The following PARP10 variants were observed in gnomAD, a reference collection of about 807,000 sequenced individuals.
The protein encoded by PARP10 is protein mono-ADP-ribosyltransferase PARP10.
In PARP10, 56 loss-of-function variants were observed where a neutral mutation model predicts 82.4. That is an observed-to-expected ratio of 0.68 (90% CI 0.55 to 0.85). PARP10 has a LOEUF of 0.85. Ranked by LOEUF, PARP10 falls within the 40% of genes least tolerant of loss-of-function variation. The pLI is 0.00. For missense variants in PARP10, 1,227 were observed against 1,379.4 expected, an observed-to-expected ratio of 0.89 and a Z score of 1.75; for synonymous variants, 576 against 601.1, an observed-to-expected ratio of 0.96 and a Z score of 0.61.
At chr8:144,002,507 T>C (rs901908532) in intron 1 of PARP10, among the ~76,000 whole-genome samples, 4 of 152,128 alleles carry the variant, frequency 2.6e-5, no homozygotes, top group African/African-American at 7.2e-5. Context: ...GGATGGGGAC[T>C]AGCCCTGATA....
intron 1 of PARP10, chr8:144,012,524 A>T: frequency 6.4e-7 from 1 of 1,551,634 alleles, no homozygotes; most frequent in African/African-American, 1.4e-5. Flanking sequence ...GCATGTCTCT[A>T]CTCACCAATT....
upstream of PARP10, chr8:143,992,891 C>T (rs1241274561): frequency 1.9e-6 from 3 of 1,569,094 alleles, no homozygotes; most frequent in Non-Finnish European, 2.6e-6. Flanking sequence ...TGGCCTGGAC[C>T]CTGCCCCTGG....
chr8:143,984,519 T>C (rs1273737504), intron 5 of PARP10, 25 bp downstream of exon 5: 3 of 1,593,410 alleles, frequency 1.9e-6, no homozygotes, highest in Non-Finnish European at 2.6e-6. Context: ...GGGCTGAAGG[T>C]GAGGAGTCCT....
chr8:143,992,147 C>T (rs1554750629), upstream of PARP10: 2 of 1,602,106 alleles, frequency 1.2e-6, no homozygotes, highest in African/African-American at 1.3e-5. Flanking sequence ...CTCTTCCGGG[C>T]CTGGTCACCG....
chr8:143,985,644 G>A lies in PARP10; in HGVS notation c.441C>T (p.Val147=), dbSNP rs781831947. 2 of 1,613,050 alleles carry A rather than the reference G, an allele frequency of 1.2e-6. No individual in the cohort carries two copies. The highest frequency in any genetic ancestry group is 1.7e-6 in the Non-Finnish European group (2 of 1,179,770). The stretch of plus-strand genomic sequence containing the variant: ...TCTGGGCCTGCTCCTCCAGGACACG[G>A]ACATCTGTGGGGTATGTGCAGGTCA... ...QLPKPLSEAD[V]RVLEEQAQNL... is the part of the protein sequence containing the mutation. Residue 147 remains valine (V), a synonymous_variant, in exon 4 of 11, where the codon GTC becomes GTT. Transcript: ENST00000313028.
chr8:143,997,571 G>A (rs536187547), intron 1 of PARP10, among the ~76,000 whole-genome samples: 1 of 137,330 alleles, frequency 7.3e-6, no homozygotes, highest in East Asian at 2.0e-4. Context: ...CACCACAAAG[G>A]GATCTTTTTG....
chr8:143,986,549 G>T, upstream of PARP10: 2 of 828,590 alleles, frequency 2.4e-6, no homozygotes, highest in South Asian at 1.6e-5. Flanking sequence ...CTCTCCTGCT[G>T]CAGCCTCAAC....
upstream of PARP10, chr8:143,991,789 G>A (rs782196244): frequency 1.2e-6 from 2 of 1,613,260 alleles, no homozygotes; most frequent in South Asian, 2.2e-5. Flanking sequence ...GCATCCGACA[G>A]GCCTTCATCC....
upstream of PARP10, chr8:143,992,475 A>C: frequency 6.2e-7 from 1 of 1,613,876 alleles, no homozygotes; most frequent in Non-Finnish European, 8.5e-7. Context: ...ACCCGCTACG[A>C]CTTCACCTCA....
intron 1 of PARP10, among the ~76,000 whole-genome samples, chr8:144,009,139 C>T (rs1408963132): frequency 1.3e-5 from 2 of 152,164 alleles, no homozygotes; most frequent in Non-Finnish European, 2.9e-5. Flanking sequence ...CGGCACTTCT[C>T]CGTACATCCA....
intron 1 of PARP10, among the ~76,000 whole-genome samples, chr8:144,000,035 A>G (rs1834190239): frequency 6.6e-6 from 1 of 152,124 alleles, no homozygotes. Flanking sequence ...AACCGGTAAG[A>G]CATCGACCCA....
upstream of PARP10, chr8:143,991,828 G>T (rs115289032): frequency 4.4e-6 from 7 of 1,607,740 alleles, no homozygotes; most frequent in Non-Finnish European, 6.0e-6. Flanking sequence ...TCTCCAAGGC[G>T]GTGGGGGCTG....
rs782696401 is a variant in PARP10 at position 143,983,803 on chromosome 8, G to A, written c.1786C>T (p.Arg596Ter). ...CCCTCCAGGGTGGCCAGCAGTTCTC[G>A]GACCTCCTCTGGGGGCAGGGAGAGG... ...DQEDVSLEEV[R>*]ELLATLEGLD... The change falls in exon 8 of 11, where the codon CGA becomes TGA. Residue 596 changes from arginine to a stop codon, truncating the protein, a stop_gained. Coordinates refer to ENST00000313028, the MANE Select transcript of PARP10 (RefSeq NM_032789.5). LOFTEE classifies it high-confidence loss of function. 1.8e-5 allele frequency: 28 copies of A among 1,586,052 alleles called. No homozygotes were observed. The highest frequency in any genetic ancestry group is 2.2e-5 in the Non-Finnish European group (26 of 1,163,756).
chr8:143,994,372 C>T (rs1441865054), upstream of PARP10, among the ~76,000 whole-genome samples: 1 of 152,206 alleles, frequency 6.6e-6, no homozygotes, highest in Non-Finnish European at 1.5e-5. Context: ...CTCACCTGGC[C>T]TCCTCGCCTG....
chr8:143,987,619 G>T (rs782157937), upstream of PARP10, among the ~76,000 whole-genome samples: 1 of 152,224 alleles, frequency 6.6e-6, no homozygotes, highest in South Asian at 2.1e-4. Context: ...GGGGCCGGGC[G>T]CAGTGGCTCA....
Position 143,984,780 on chromosome 8 carries a change from G to C in PARP10, c.1222C>G (p.Pro408Ala), listed in dbSNP as rs534152616. 6.2e-7 allele frequency: 1 copy of C among 1,613,350 alleles called. No homozygotes were observed. The highest frequency in any genetic ancestry group is 1.7e-5 in the Admixed American group (1 of 59,978). The change falls in exon 5 of 11, where the codon CCA becomes GCA. Residue 408 changes from proline to alanine, a missense_variant. Pro to Ala is a conservative substitution (Grantham distance 27). Coordinates refer to ENST00000313028, the MANE Select transcript of PARP10 (RefSeq NM_032789.5). ...EGLVEIAMDS[P>A]EQEGLVGPME... ...GGACCCACCAGCCCCTCTTGCTCTG[G>C]TGAGTCCATGGCAATTTCCACCAGG...
chr8:143,983,542 G>C lies in PARP10; in HGVS notation c.2047C>G (p.Leu683Val). 6.2e-7 allele frequency: 1 copy of C among 1,606,684 alleles called. No individual in the cohort carries two copies. Among genetic ancestry groups the C allele is most frequent in the East Asian group, 2.2e-5 (1 of 44,658 alleles). The change falls in exon 8 of 11, where the codon CTA becomes GTA. Residue 683 changes from leucine to valine, a missense_variant. Physicochemically the swap from Leu to Val is conservative, Grantham distance 32. Coordinates refer to ENST00000313028, the MANE Select transcript of PARP10 (RefSeq NM_032789.5). Reference sequence around the variant, plus strand: ...GGCTGCTCCAGCAGGGAGAGGGTTAGGGCTTGCCGCAGGGCAGCAGCCTCC... The same window carrying C: ...GGCTGCTCCAGCAGGGAGAGGGTTACGGCTTGCCGCAGGGCAGCAGCCTCC... ...QEEAAALRQA[L>V]TLSLLEQPPL...
rs781928551 is a variant in PARP10, at chr8:143,985,178, T to C, written c.824A>G (p.His275Arg). 1.2e-6 allele frequency: 2 copies of C among 1,614,134 alleles called. No homozygotes were observed. The highest frequency in any genetic ancestry group is 1.1e-5 in the South Asian group (1 of 91,086). ...PSTQGPRATK[H>R]ALLRTGGLVT... ...CAACCCTCCGGTCCTCAGGAGAGCA[T>C]GCTTGGTAGCCCTAGGCCCCTGGGT... Residue 275 changes from histidine to arginine, a missense_variant, in exon 5 of 11, where the codon CAT becomes CGT. Physicochemically the swap from His to Arg is conservative, Grantham distance 29. Coordinates refer to ENST00000313028, the MANE Select transcript of PARP10 (RefSeq NM_032789.5).
chr8:143,980,288 C>T (rs1455086320), intron 9 of PARP10, among the ~76,000 whole-genome samples: 1 of 137,684 alleles, frequency 7.3e-6, no homozygotes, highest in Non-Finnish European at 1.5e-5. Flanking sequence ...CCACTGCACT[C>T]CAGCCTGGGC....
Sources: allele counts gnomAD v4.1 joint callset (sites outside exome capture counted in the v4.1 genomes callset), GRCh38; gene constraint gnomAD v4.1.1; transcripts MANE v1.5; gene names NCBI Gene and HGNC (gene_info 2026-07-23, HGNC 2026-07-21).